The following HPSE2 variants were observed in gnomAD, a reference collection of about 807,000 sequenced individuals.
The protein encoded by HPSE2 is heparanase 2 (inactive).
Under a neutral mutation model 60.5 loss-of-function variants are expected in HPSE2, and 38 were observed. The ratio of observed to expected loss-of-function variants is 0.63; its 90% CI spans 0.48 to 0.82. The LOEUF is 0.82. HPSE2 is among the 40% of genes least tolerant of loss of function. HPSE2 has a pLI of 0.00. For missense variants in HPSE2, 713 were observed against 740.4 expected (o/e 0.96, Z 0.43); for synonymous variants, 295 against 293.2 (o/e 1.01, Z -0.06).
At chr10:98,664,644 G>C (rs1431190754) in intron 6 of HPSE2, among the ~76,000 whole-genome samples, 2 of 152,156 alleles carry the variant, frequency 1.3e-5, no homozygotes, top group Non-Finnish European at 2.9e-5. Context: ...GCTCTCAGGC[G>C]CCATCTACTG....
At chr10:98,954,615 A>T (rs1221007317) in intron 3 of HPSE2, among the ~76,000 whole-genome samples, 1 of 152,164 alleles carries the variant, frequency 6.6e-6, no homozygotes, top group African/African-American at 2.4e-5. Flanking sequence ...TGTGGGGTCA[A>T]AAGAGATGGC....
At chr10:98,966,817 C>G (rs1955825570) in intron 3 of HPSE2, among the ~76,000 whole-genome samples, 1 of 152,170 alleles carries the variant, frequency 6.6e-6, no homozygotes, top group East Asian at 1.9e-4. Flanking sequence ...GATAAATGTT[C>G]AGGTGACGAA....
upstream of HPSE2, among the ~76,000 whole-genome samples, chr10:99,238,608 TTTGA>T (rs1183954290): frequency 6.6e-6 from 1 of 152,164 alleles, no homozygotes; most frequent in Non-Finnish European, 1.5e-5. Flanking sequence ...TCTAAGATGA[TTTGA>T]TTGTTTGGTG....
chr10:98,664,090 A>G (rs970352673), intron 6 of HPSE2, among the ~76,000 whole-genome samples: 1 of 152,056 alleles, frequency 6.6e-6, no homozygotes, highest in Non-Finnish European at 1.5e-5. Flanking sequence ...GCTGGTGGGT[A>G]CAGCTCTTTG....
intron 3 of HPSE2, among the ~76,000 whole-genome samples, chr10:98,913,037 T>C (rs1401447532): frequency 6.6e-6 from 1 of 152,176 alleles, no homozygotes; most frequent in Non-Finnish European, 1.5e-5. Context: ...AAGTATCTCA[T>C]GTACCCCATA....
the HPSE2 span, among the ~76,000 whole-genome samples, chr10:99,276,922 G>T: frequency 6.6e-6 from 1 of 152,156 alleles, no homozygotes; most frequent in Non-Finnish European, 1.5e-5. Flanking sequence ...CAAAACTGCT[G>T]ATTGAAACCA....
chr10:98,712,497 G>C (rs1366833613), intron 5 of HPSE2, among the ~76,000 whole-genome samples: 2 of 152,052 alleles, frequency 1.3e-5, no homozygotes, highest in East Asian at 3.9e-4. Context: ...ATGCTTTGAG[G>C]AAAAGATGGA....
intron 3 of HPSE2, among the ~76,000 whole-genome samples, chr10:99,069,889 G>A (rs1351552010): frequency 6.6e-6 from 1 of 151,900 alleles, no homozygotes; most frequent in East Asian, 1.9e-4. Flanking sequence ...ATAAAATTGG[G>A]ATAATTTGTC....
At chr10:99,304,484 C>T in the HPSE2 span, among the ~76,000 whole-genome samples, 2 of 152,234 alleles carry the variant, frequency 1.3e-5, no homozygotes, top group Admixed American at 1.3e-4. Flanking sequence ...CTCTGGCTTG[C>T]CCTTGAATTC....
intron 3 of HPSE2, among the ~76,000 whole-genome samples, chr10:99,042,630 G>A (rs762502457): frequency 4.0e-5 from 6 of 151,864 alleles, no homozygotes; most frequent in African/African-American, 7.3e-5. Flanking sequence ...GTGGACTGCC[G>A]TGGGAGCAGT....
chr10:98,583,165 C>A (rs1349707818), intron 9 of HPSE2, among the ~76,000 whole-genome samples: 1 of 152,148 alleles, frequency 6.6e-6, no homozygotes, highest in Non-Finnish European at 1.5e-5. Context: ...CTTCCTAGAA[C>A]TAAATCAAAG....
the HPSE2 span, among the ~76,000 whole-genome samples, chr10:99,297,150 T>C: frequency 3.3e-5 from 5 of 151,930 alleles, no homozygotes; most frequent in East Asian, 7.8e-4. Context: ...GTGGGTTACC[T>C]GTGCAGGCCC....
At chr10:98,603,489 G>A (rs1037194834) in intron 9 of HPSE2, among the ~76,000 whole-genome samples, 1 of 149,612 alleles carries the variant, frequency 6.7e-6, no homozygotes, top group African/African-American at 2.4e-5. Context: ...GAGTACAGTG[G>A]CTTGATCTTG....
chr10:99,236,095 C>T (rs1407634092), upstream of HPSE2, among the ~76,000 whole-genome samples: 2 of 150,362 alleles, frequency 1.3e-5, no homozygotes, highest in African/African-American at 2.5e-5. Context: ...GTGACTCTTG[C>T]CAAGAGAACT....
intron 7 of HPSE2, among the ~76,000 whole-genome samples, chr10:98,628,540 C>G (rs776120181): frequency 3.3e-5 from 5 of 152,104 alleles, no homozygotes; most frequent in Non-Finnish European, 5.9e-5. Flanking sequence ...GGGAGTAAGA[C>G]GTACAAATGC....
chr10:98,685,965 T>TC (rs1182541536), intron 6 of HPSE2, among the ~76,000 whole-genome samples: 1 of 152,188 alleles, frequency 6.6e-6, no homozygotes, highest in Non-Finnish European at 1.5e-5. Context: ...ATCCCTTGAG[T>TC]ATTTTTAATG....
chr10:98,654,913 T>C (rs1282546231), intron 6 of HPSE2, among the ~76,000 whole-genome samples: 1 of 152,190 alleles, frequency 6.6e-6, no homozygotes, highest in Non-Finnish European at 1.5e-5. Flanking sequence ...CCTAGTATCC[T>C]TGTTTATGCC....
chr10:98,825,619 G>C (rs1374846934), intron 3 of HPSE2, among the ~76,000 whole-genome samples: 1 of 150,414 alleles, frequency 6.6e-6, no homozygotes, highest in Non-Finnish European at 1.5e-5. Flanking sequence ...TTGGGGGGGC[G>C]GGGGTGGGGG....
chr10:98,469,718 G>A (rs980194582), intron 11 of HPSE2, among the ~76,000 whole-genome samples: 2 of 152,162 alleles, frequency 1.3e-5, no homozygotes, highest in African/African-American at 4.8e-5. Flanking sequence ...CCAGTCACAT[G>A]AGATGATTTG....
Sources: allele counts gnomAD v4.1 joint callset (sites outside exome capture counted in the v4.1 genomes callset), GRCh38; gene constraint gnomAD v4.1.1; transcripts MANE v1.5; gene names NCBI Gene and HGNC (gene_info 2026-07-23, HGNC 2026-07-21).